NCOR2: variants seen among roughly 807,000 people sequenced by gnomAD.
NCOR2 encodes the protein nuclear receptor corepressor 2.
NCOR2 carries 81 observed loss-of-function variants against 262.9 expected under a neutral mutation model. The ratio of observed to expected loss-of-function variants is 0.31; its 90% confidence interval spans 0.26 to 0.37. The LOEUF (loss-of-function observed/expected upper bound fraction) is 0.37, where lower values mean the gene tolerates loss of function less well. Among genes scored for constraint, NCOR2 ranks in the 10% least tolerant of loss-of-function variants. The pLI is 1.00. For synonymous variants in NCOR2, 1,659 were observed against 1,559.3 expected (o/e 1.06, Z -1.51); for missense variants, 3,385 against 3,621.4 (o/e 0.93, Z 1.68).
At chr12:124,433,231 C>A (rs1232174028) in intron 8 of NCOR2, among the ~76,000 whole-genome samples, 1 of 152,218 alleles carries the variant, frequency 6.6e-6, no homozygotes, top group African/African-American at 2.4e-5. Flanking sequence ...TGGTGACAGA[C>A]AACGGCCACA....
intron 20 of NCOR2, 97 bp downstream of exon 22, chr12:124,371,925 A>G: frequency 1.6e-6 from 2 of 1,254,698 alleles, no homozygotes; most frequent in Non-Finnish European, 2.1e-6. Context: ...CCCCCAAAGC[A>G]GGCAGAGCCA....
At chr12:124,365,974 T>A (rs1274789544) in intron 20 of NCOR2, among the ~76,000 whole-genome samples, 6 of 151,948 alleles carry the variant, frequency 3.9e-5, no homozygotes, top group Non-Finnish European at 5.9e-5. Flanking sequence ...CCTACCACCA[T>A]CCGTTTCAAC....
intron 10 of NCOR2, among the ~76,000 whole-genome samples, chr12:124,427,022 T>G (rs1011615115): frequency 3.3e-5 from 5 of 152,174 alleles, no homozygotes; most frequent in Non-Finnish European, 7.4e-5. Context: ...TGGGCAGGAC[T>G]GTAGATTCAA....
intron 3 of NCOR2, among the ~76,000 whole-genome samples, chr12:124,479,145 G>T (rs1565980808): frequency 6.6e-6 from 1 of 152,202 alleles, no homozygotes; most frequent in African/African-American, 2.4e-5. Flanking sequence ...GACAAAACGC[G>T]CACCTGGGGG....
At chr12:124,524,531 T>C (rs4430603) in intron 1 of NCOR2, among the ~76,000 whole-genome samples, 4,853 of 152,218 alleles carry the variant, frequency 0.032, 250 homozygotes, top group African/African-American at 0.11. Context: ...AAGGCCCGCA[T>C]GGAAGGAGGC....
At chr12:124,498,450 G>A (rs571343077), upstream of NCOR2, among the ~76,000 whole-genome samples, 23 of 152,204 alleles carry the variant, frequency 1.5e-4, no homozygotes, top group East Asian at 3.9e-3. Context: ...CCCACCCAGC[G>A]CCTCACATGC....
chr12:124,417,135 A>G (rs112986164), intron 13 of NCOR2, among the ~76,000 whole-genome samples: 9,084 of 33,468 alleles, frequency 0.27, 141 homozygotes, highest in Non-Finnish European at 0.35. Context: ...AGAGCAGACC[A>G]GACACTCACT....
chr12:124,369,163 C>CCTGCCAAAAAAGCACCCAGGCA (rs1396966370), intron 20 of NCOR2, among the ~76,000 whole-genome samples: 2 of 152,154 alleles, frequency 1.3e-5, no homozygotes, highest in African/African-American at 4.8e-5. Context: ...AAGGCCAGGC[C>CCTGCCAAAAAAGCACCCAGGCA]CTGCCAAAAA....
chr12:124,464,743 T>C (rs2046337899), intron 5 of NCOR2, among the ~76,000 whole-genome samples: 1 of 152,132 alleles, frequency 6.6e-6, no homozygotes, highest in African/African-American at 2.4e-5. Context: ...ATGCCGTCGT[T>C]GTCATTGTTT....
intron 1 of NCOR2, among the ~76,000 whole-genome samples, chr12:124,529,458 A>G (rs1350538659): frequency 6.6e-6 from 1 of 152,220 alleles, no homozygotes; most frequent in Non-Finnish European, 1.5e-5. Flanking sequence ...TGGGCGACAG[A>G]GCAAGACTCT....
chr12:124,473,012 G>A (rs746703032), exon 4 of NCOR2: 1 of 1,614,158 alleles, frequency 6.2e-7, no homozygotes, highest in Admixed American at 1.7e-5. Flanking sequence ...GGTCCACGCG[G>A]TCCATGTTCT....
intron 1 of NCOR2, among the ~76,000 whole-genome samples, chr12:124,522,266 A>T (rs1025819408): frequency 6.6e-6 from 1 of 152,260 alleles, no homozygotes; most frequent in Admixed American, 6.5e-5. Context: ...AGTGATTAAA[A>T]TAAAGTTCAC....
intron 1 of NCOR2, among the ~76,000 whole-genome samples, chr12:124,542,244 G>A (rs1050395946): frequency 2.0e-5 from 3 of 152,014 alleles, no homozygotes; most frequent in Admixed American, 1.3e-4. Context: ...CCATTGCCTC[G>A]GGGCTCCTGT....
intron 1 of NCOR2, among the ~76,000 whole-genome samples, chr12:124,554,150 G>A (rs558687371): frequency 1.2e-4 from 19 of 152,358 alleles, no homozygotes; most frequent in Admixed American, 3.9e-4. Flanking sequence ...AAAGATGACC[G>A]AGGGCACGAC....
At chr12:124,516,330 C>G (rs1351769194) in intron 1 of NCOR2, among the ~76,000 whole-genome samples, 1 of 152,158 alleles carries the variant, frequency 6.6e-6, no homozygotes, top group African/African-American at 2.4e-5. Context: ...TGGCCCAGGG[C>G]TGGCACGGAG....
At chr12:124,374,606 G>A in intron 18 of NCOR2, 143 bp from the exon 21 acceptor site, 1 of 799,186 alleles carries the variant, frequency 1.3e-6, no homozygotes, top group Non-Finnish European at 2.1e-6. Context: ...TGCCCCGACT[G>A]CCCTTCTCCA....
chr12:124,506,425 C>A (rs1467560075), intron 1 of NCOR2, among the ~76,000 whole-genome samples: 1 of 152,130 alleles, frequency 6.6e-6, no homozygotes, highest in Non-Finnish European at 1.5e-5. Flanking sequence ...GCAGCCAGCT[C>A]GGCCCTGCTC....
chr12:124,357,068 A>G (rs746007797), intron 22 of NCOR2, among the ~76,000 whole-genome samples: 8 of 152,218 alleles, frequency 5.3e-5, no homozygotes, highest in Admixed American at 2.6e-4. Context: ...CCCCACAAGC[A>G]CTCAACCAAG....
At chr12:124,325,377 G>GCCGC (rs762207402) in exon 47 of NCOR2, 66 of 251,120 alleles carry the variant, frequency 2.6e-4, no homozygotes, top group Non-Finnish European at 3.8e-4. Flanking sequence ...ACCTGACACC[G>GCCGC]CCCCCCCCCC....
Sources: gnomAD v4.1 joint callset for allele counts (sites outside exome capture counted in the v4.1 genomes callset) on GRCh38, gnomAD v4.1.1 for gene constraint, MANE v1.5 for transcripts, NCBI Gene and HGNC (gene_info 2026-07-23, HGNC 2026-07-21) for gene names.